The following DSC3 variants were observed in gnomAD, a reference collection of about 807,000 sequenced individuals.
DSC3 encodes desmocollin-3.
In DSC3, 97 loss-of-function variants were observed where a neutral mutation model predicts 89.5. That is an observed-to-expected ratio of 1.08 (90% CI 0.92 to 1.28). The LOEUF (loss-of-function observed/expected upper bound fraction) is 1.28, where lower values mean the gene tolerates loss of function less well. DSC3 is among the 50% of genes most tolerant of loss of function. DSC3 has a pLI of 0.00. For synonymous variants in DSC3, 436 were observed against 384.1 expected (o/e 1.14, Z -1.58); for missense variants, 1,199 against 1,085.3 (o/e 1.10, Z -1.47).
At chr18:30,998,923 G>A (rs1336689625) in intron 14 of DSC3, among the ~76,000 whole-genome samples, 3 of 151,874 alleles carry the variant, frequency 2.0e-5, no homozygotes. Flanking sequence ...GCAGGAAGGA[G>A]TATTATAGAG....
rs774564826 is a variant in DSC3, at chr18:31,024,502, T to C, written c.631-9A>G. ...GACGCATAAGCAATCAACTGCAAAA[T>C]AGCAAAAAGAAAGTTCCATTAATAT... is the stretch of plus-strand genomic sequence containing the variant. On this transcript the variant is annotated splice_polypyrimidine_tract_variant and intron_variant, in intron 5 of 15. Transcript: ENST00000360428. The C allele has an allele frequency of 1.9e-5, 31 of 1,611,240 alleles. No individual in the cohort carries two copies. The highest frequency in any genetic ancestry group is 1.7e-4 in the African/African-American group (13 of 74,840).
At position 31,008,282 on chromosome 18, in the gene DSC3, C is replaced by T; in HGVS notation, c.1507G>A (p.Gly503Ser). The part of the protein sequence containing the change: ...YKAYDPENRN[G>S]NGLRYKKLHD... Reference sequence around the variant, plus strand: ...ATTTATTTTTACCTTAAACCATTGCCATTTCTATTTTCGGGGTCATATGCC... The same window carrying T: ...ATTTATTTTTACCTTAAACCATTGCTATTTCTATTTTCGGGGTCATATGCC... Residue 503 changes from glycine (G) to serine (S), a missense_variant, in exon 10 of 16, where the codon GGC (glycine) becomes AGC (serine). Coordinates refer to ENST00000360428, the MANE Select transcript of DSC3 (RefSeq NM_001941.5). 1 of 1,613,908 alleles carries T rather than the reference C, an allele frequency of 6.2e-7. No homozygotes were observed.
chr18:31,010,450 T>A (rs1014454284), intron 9 of DSC3, among the ~76,000 whole-genome samples: 2 of 152,156 alleles, frequency 1.3e-5, no homozygotes, highest in Admixed American at 1.3e-4. Context: ...GCCTTGGAGT[T>A]TCTTTGTCCC....
chr18:31,022,587 C>G, intron 6 of DSC3, 85 bp from the exon 7 acceptor site: 1 of 1,468,186 alleles, frequency 6.8e-7, no homozygotes, highest in South Asian at 1.2e-5. Context: ...AAAATGTTAA[C>G]AGTGATGATA....
At chr18:31,004,663 A>G (rs1488446905) in intron 12 of DSC3, among the ~76,000 whole-genome samples, 3 of 152,232 alleles carry the variant, frequency 2.0e-5, no homozygotes, top group Non-Finnish European at 4.4e-5. Flanking sequence ...GGCTGTTAAC[A>G]TACACTTCAA....
At chr18:31,001,761 A>T (rs760610791) in intron 13 of DSC3, 22 bp from the exon 14 acceptor site, 7 of 1,558,260 alleles carry the variant, frequency 4.5e-6, no homozygotes, top group Non-Finnish European at 6.1e-6. Context: ...AATAAAAATA[A>T]AATAACTTAC....
intron 15 of DSC3, among the ~76,000 whole-genome samples, chr18:30,996,410 A>G (rs531167035): frequency 2.6e-5 from 4 of 152,184 alleles, no homozygotes; most frequent in Non-Finnish European, 1.5e-5. Context: ...CTAAAACTGC[A>G]TACAAATGTT....
chr18:30,995,971 T>TAAAAAAAAAAAAAAAAAAAAAAAAA lies in DSC3; in HGVS notation c.2493+795_2493+819dup, dbSNP rs1196444633. On this transcript the variant is annotated intron_variant, in intron 15 of 15. Transcript: ENST00000360428. ...TCAGCGACAGAGCAAGACCCTGCCT[T>TAAAAAAAAAAAAAAAAAAAAAAAAA]AAAAAAAAAAAAAAAAAAAAAAAAA... 1.4e-3 allele frequency among the ~76,000 whole-genome samples: 50 copies of TAAAAAAAAAAAAAAAAAAAAAAAAA among 37,020 alleles called. 2 individuals carry two copies. The highest frequency in any genetic ancestry group is 3.2e-3 in the South Asian group (2 of 626). 24.3% of individuals were successfully genotyped at this position (37,020 alleles called of 152,430 possible). A position where few individuals can be genotyped will look rare whatever the true frequency, so the allele number is the denominator to read the frequency against.
At chr18:31,041,411 A>G (rs929648399) in intron 1 of DSC3, among the ~76,000 whole-genome samples, 2 of 152,210 alleles carry the variant, frequency 1.3e-5, no homozygotes, top group African/African-American at 4.8e-5. Context: ...CCATAAACAT[A>G]TCGTAGATCA....
rs773094009 is a variant in DSC3 at position 31,024,387 on chromosome 18, G to C, written c.737C>G (p.Ala246Gly). The C allele has an allele frequency of 6.2e-7, 1 of 1,608,018 alleles. No homozygotes were observed. Among genetic ancestry groups the C allele is most frequent in the African/African-American group, 1.3e-5 (1 of 74,820 alleles). Residue 246 changes from alanine (A) to glycine (G), a missense_variant, in exon 6 of 16, where the codon GCA becomes GGA. Transcript: ENST00000360428. ...TTCCAAAACTTCAAAATTATAAATT[G>C]CTTCTGTGAAAACAGGGTGGTTGTC... ...ENDNHPVFTE[A>G]IYNFEVLESS...
At chr18:31,002,506 G>C (rs1984696705) in intron 13 of DSC3, among the ~76,000 whole-genome samples, 1 of 151,964 alleles carries the variant, frequency 6.6e-6, no homozygotes, top group South Asian at 2.1e-4. Context: ...TTCGAGACAA[G>C]ACTGACCAAC....
intron 1 of DSC3, among the ~76,000 whole-genome samples, chr18:31,034,046 C>G (rs1985891848): frequency 6.6e-6 from 1 of 152,144 alleles, no homozygotes; most frequent in East Asian, 1.9e-4. Flanking sequence ...AGGATTGTCT[C>G]GATCTCCTGA....
At position 30,996,899 on chromosome 18, in the gene DSC3, A is replaced by G. The variant is rs763458671; in HGVS notation, c.2385T>C (p.Ala795=). The G allele has an allele frequency of 3.7e-6, 6 of 1,613,920 alleles. No individual in the cohort carries two copies. The South Asian group carries it at 6.6e-5, about 18-fold the overall frequency. Residue 795 remains alanine, a synonymous_variant, in exon 15 of 16, where the codon GCT becomes GCC. Transcript: ENST00000360428. ...GNQTLESCRG[A]GHHHTLDSCR... The stretch of plus-strand genomic sequence containing the variant: ...AGGAGTCCAGGGTATGATGATGCCC[A>G]GCCCCCCGGCAGGATTCCAAGGTCT...
At chr18:31,033,720 A>G (rs1985877617) in intron 1 of DSC3, among the ~76,000 whole-genome samples, 1 of 152,046 alleles carries the variant, frequency 6.6e-6, no homozygotes, top group Non-Finnish European at 1.5e-5. Flanking sequence ...ACAGTGATAA[A>G]GAAAAGTTCT....
intron 12 of DSC3, among the ~76,000 whole-genome samples, chr18:31,006,630 C>T (rs1188155314): frequency 6.6e-6 from 1 of 152,160 alleles, no homozygotes; most frequent in Admixed American, 6.5e-5. Flanking sequence ...CATGCACACA[C>T]ACACACAAAG....
chr18:31,004,303 G>A lies in DSC3; in HGVS notation c.1952C>T (p.Thr651Ile), dbSNP rs773978635. The A allele has an allele frequency of 1.2e-6, 2 of 1,613,846 alleles. No individual in the cohort carries two copies. The highest frequency in any genetic ancestry group is 1.3e-5 in the African/African-American group (1 of 74,876). Residue 651 changes from threonine to isoleucine, a missense_variant, in exon 13 of 16, where the codon ACT becomes ATT. By Grantham distance (89) the Thr-to-Ile change is moderately conservative (BLOSUM62 -1). Transcript: ENST00000360428. Reference sequence around the variant, plus strand: ...AGCTTGGCCGGCCCTGTCTTTTACAGTAATAGGAATGGTATATTCTTGAAA... The same window carrying A: ...AGCTTGGCCGGCCCTGTCTTTTACAATAATAGGAATGGTATATTCTTGAAA... ...AGFQEYTIPI[T>I]VKDRAGQAAT...
chr18:31,001,675 A>G lies in DSC3; in HGVS notation c.2178T>C (p.Asp726=), dbSNP rs769843337. Residue 726 remains aspartate (D), a synonymous_variant, in exon 14 of 16, where the codon GAT becomes GAC. Transcript: ENST00000360428. ...ATATAATTAAGTTTTGCTGTGCTAA[A>G]TCTTCAGGAAAACGTTTCCCTTTAG... ...GATKGKRFPE[D]LAQQNLIISN... is the part of the protein sequence containing the mutation. The G allele has an allele frequency of 1.2e-6, 2 of 1,611,244 alleles. No individual in the cohort carries two copies. Among genetic ancestry groups the G allele is most frequent in the East Asian group, 4.5e-5 (2 of 44,720 alleles).
At chr18:31,032,307 A>T (rs1291396521) in intron 1 of DSC3, 31 bp from the exon 2 acceptor site, 1 of 1,490,276 alleles carries the variant, frequency 6.7e-7, no homozygotes, top group Non-Finnish European at 9.4e-7. Flanking sequence ...TTAATACAGT[A>T]GAAAATAAAG....
chr18:31,018,042 G>T, intron 9 of DSC3, 29 bp downstream of exon 9: 1 of 1,581,654 alleles, frequency 6.3e-7, no homozygotes, highest in East Asian at 2.3e-5. Flanking sequence ...CTGTTAATTT[G>T]CTAAGTTGTC....
Sources: allele counts gnomAD v4.1 joint callset (sites outside exome capture counted in the v4.1 genomes callset), GRCh38; gene constraint gnomAD v4.1.1; transcripts MANE v1.5; gene names NCBI Gene and HGNC (gene_info 2026-07-23, HGNC 2026-07-21).